The following UHMK1 variants were observed in gnomAD, a reference collection of about 807,000 sequenced individuals.
The protein encoded by UHMK1 is U2AF homology motif kinase 1, also known as serine/threonine-protein kinase Kist.
Under a neutral mutation model 44.0 loss-of-function variants are expected in UHMK1, and 18 were observed. The observed-to-expected ratio is 0.41, with a 90% CI of 0.28 to 0.61. UHMK1 has a LOEUF of 0.61. Among genes scored for constraint, UHMK1 ranks in the 20% least tolerant of loss-of-function variants. UHMK1 has a pLI of 0.31. For synonymous variants in UHMK1, 231 were observed against 198.5 expected, an observed-to-expected ratio of 1.16 and a Z score of -1.38; for missense variants, 463 against 522.5, an observed-to-expected ratio of 0.89 and a Z score of 1.11.
chr1:162,503,500 A>G (rs1651352371), intron 3 of UHMK1, among the ~76,000 whole-genome samples: 1 of 151,866 alleles, frequency 6.6e-6, no homozygotes, highest in Non-Finnish European at 1.5e-5. Flanking sequence ...ATTTCCAGCT[A>G]CGCAGGAGGC....
chr1:162,512,036 T>C (rs1279152852), intron 4 of UHMK1, among the ~76,000 whole-genome samples: 2 of 151,976 alleles, frequency 1.3e-5, no homozygotes, highest in Admixed American at 6.6e-5. Flanking sequence ...CTTCCAGCCT[T>C]GTTCTTTTTT....
At chr1:162,515,122 C>T (rs559423793) in intron 6 of UHMK1, among the ~76,000 whole-genome samples, 1 of 151,246 alleles carries the variant, frequency 6.6e-6, no homozygotes, top group African/African-American at 2.4e-5. Flanking sequence ...TTTATGTCCT[C>T]TTAATATTTA....
intron 1 of UHMK1, among the ~76,000 whole-genome samples, chr1:162,499,519 G>A (rs1398294646): frequency 6.6e-6 from 1 of 152,134 alleles, no homozygotes; most frequent in East Asian, 1.9e-4. Flanking sequence ...TTTGCGCATT[G>A]TGACATTCCT....
rs746102727 is a variant in UHMK1, at chr1:162,501,003, G to A, written c.652G>A (p.Glu218Lys). The change falls in exon 3 of 8, where the codon GAA becomes AAA. Residue 218 changes from glutamate to lysine, a missense_variant. By Grantham distance (56) the Glu-to-Lys change is moderately conservative. Coordinates refer to ENST00000489294, the MANE Select transcript of UHMK1 (RefSeq NM_175866.5). ...CCAGGCTGGCCTGCAGAGTGATACA[G>A]AATGTACCTCAGCTGTTGATCTGTG... ...LAQAGLQSDTECTSAVDLWSL... is the reference protein window; with the variant it reads ...LAQAGLQSDTKCTSAVDLWSL... The A allele has an allele frequency of 1.2e-6, 2 of 1,614,054 alleles. No homozygotes were observed. Among genetic ancestry groups the A allele is most frequent in the East Asian group, 2.2e-5 (1 of 44,862 alleles).
At position 162,512,733 on chromosome 1, in the gene UHMK1, AT is replaced by A. The variant is rs761015757; in HGVS notation, c.936del (p.Ile312MetfsTer12). On this transcript the variant is annotated frameshift_variant, in exon 6 of 8. Transcript: ENST00000489294. LOFTEE classifies it high-confidence loss of function. ...PFFSIPFAPH[I>X]EDLVMLPTPV... ...ATGATGAATTTTAACAGCCCCTCAT[AT>A]TGAAGATCTGGTCATGCTTCCCACT... 1 of 1,614,092 alleles carries A rather than the reference AT, an allele frequency of 6.2e-7. No individual in the cohort carries two copies. Among genetic ancestry groups the A allele is most frequent in the South Asian group, 1.1e-5 (1 of 91,076 alleles).
At chr1:162,503,387 A>G (rs1651349493) in intron 3 of UHMK1, among the ~76,000 whole-genome samples, 1 of 152,096 alleles carries the variant, frequency 6.6e-6, no homozygotes, top group Admixed American at 6.6e-5. Flanking sequence ...CGGTGGGCAG[A>G]TCACTTGAGC....
At chr1:162,504,315 T>C (rs921489443) in intron 4 of UHMK1, among the ~76,000 whole-genome samples, 3 of 152,236 alleles carry the variant, frequency 2.0e-5, no homozygotes, top group African/African-American at 7.2e-5. Context: ...ACAATAGATA[T>C]TTTGAAAATA....
rs778270680 is a variant in UHMK1 at position 162,500,078 on chromosome 1, C to T, written c.392C>T (p.Ser131Phe). The change falls in exon 2 of 8, where the codon TCC becomes TTC. Residue 131 changes from serine to phenylalanine, a missense_variant. Transcript: ENST00000489294. The stretch of plus-strand genomic sequence containing the variant: ...TTATATTCCAGTCACCAGGGTTGTT[C>T]CATGTGGATGATACAGCATTGTGCC... Reference protein sequence around the residue: ...LLLYSSHQGCSMWMIQHCARD... With the variant: ...LLLYSSHQGCFMWMIQHCARD... 6.2e-7 allele frequency: 1 copy of T among 1,614,138 alleles called. No individual in the cohort carries two copies. The highest frequency in any genetic ancestry group is 2.2e-5 in the East Asian group (1 of 44,878).
intron 7 of UHMK1, among the ~76,000 whole-genome samples, chr1:162,522,082 T>C (rs917733947): frequency 2.3e-5 from 3 of 133,022 alleles, no homozygotes; most frequent in South Asian, 2.4e-4. Context: ...TCTAGTGTTA[T>C]TCATCACTCC....
intron 7 of UHMK1, among the ~76,000 whole-genome samples, chr1:162,522,151 T>C (rs1374876193): frequency 1.3e-5 from 2 of 152,214 alleles, no homozygotes; most frequent in Non-Finnish European, 2.9e-5. Flanking sequence ...TGAGAGATTT[T>C]TCAAAGTTGA....
chr1:162,521,442 A>G lies in UHMK1; in HGVS notation c.1114-962A>G, dbSNP rs357038. Among the ~76,000 whole-genome samples the G allele has an allele frequency of 1.5e-3, 229 of 152,070 alleles. 1 individual carries two copies. The highest frequency in any genetic ancestry group is 5.4e-3 in the African/African-American group (224 of 41,478). ...TAAAAAAAAAATCAGGAATAGATTC[A>G]TTATTCCTTTTTGGGGTGGGGTCAG... On this transcript the variant is annotated intron_variant, in intron 7 of 7. Coordinates refer to ENST00000489294, the MANE Select transcript of UHMK1 (RefSeq NM_175866.5).
chr1:162,509,134 TA>T (rs796803329), intron 4 of UHMK1, among the ~76,000 whole-genome samples: 6 of 152,320 alleles, frequency 3.9e-5, no homozygotes, highest in African/African-American at 1.4e-4. Context: ...ATTATTTTCC[TA>T]AACTTAAAGA....
intron 4 of UHMK1, among the ~76,000 whole-genome samples, chr1:162,511,625 T>A (rs1651673452): frequency 6.6e-6 from 1 of 152,210 alleles, no homozygotes; most frequent in South Asian, 2.1e-4. Context: ...TGTCTGTTTT[T>A]GTTTTTGTTG....
At chr1:162,507,971 AG>A (rs1233626036) in intron 4 of UHMK1, among the ~76,000 whole-genome samples, 1 of 152,046 alleles carries the variant, frequency 6.6e-6, no homozygotes, top group Non-Finnish European at 1.5e-5. Context: ...TATCTCTTAT[AG>A]TGTAATTTTA....
chr1:162,522,356 A>G, intron 7 of UHMK1, 48 bp from the exon 8 acceptor site: 1 of 1,605,768 alleles, frequency 6.2e-7, no homozygotes, highest in East Asian at 2.2e-5. Context: ...CACTGGTCTA[A>G]AACAATCTTG....
intron 4 of UHMK1, among the ~76,000 whole-genome samples, chr1:162,510,355 A>C (rs7513662): frequency 6.6e-5 from 10 of 152,170 alleles, no homozygotes; most frequent in Admixed American, 5.2e-4. Flanking sequence ...GCTTTGGCCA[A>C]TGTCTCCCCA....
chr1:162,517,796 A>C (rs1017676020), intron 6 of UHMK1, among the ~76,000 whole-genome samples: 4 of 152,188 alleles, frequency 2.6e-5, no homozygotes, highest in African/African-American at 9.6e-5. Flanking sequence ...GAGGGAGAAG[A>C]ATCGCTTGAA....
In UHMK1 at chr1:162,529,045, T is replaced by C. The variant is rs1652351958; in HGVS notation, c.*6495T>C. 1 of 152,120 alleles carries C rather than the reference T, an allele frequency of 6.6e-6. No homozygotes were observed. The highest frequency in any genetic ancestry group is 2.4e-5 in the African/African-American group (1 of 41,454). The allele number at this position is 152,120 out of a possible 1,614,324, so 9.4% of individuals were successfully genotyped here. On this transcript the variant is annotated 3_prime_UTR_variant, in exon 8 of 8. Coordinates refer to ENST00000489294, the MANE Select transcript of UHMK1 (RefSeq NM_175866.5). Reference sequence around the variant, plus strand: ...ATAAGAAGGTATGGTTAGAAAAAAATGTGAAAGATCACTTAAACCAAAGCC... The same window carrying C: ...ATAAGAAGGTATGGTTAGAAAAAAACGTGAAAGATCACTTAAACCAAAGCC...
At chr1:162,503,698 GTAT>G in intron 3 of UHMK1, 53 bp from the exon 4 acceptor site, 1 of 1,247,670 alleles carries the variant, frequency 8.0e-7, no homozygotes, top group South Asian at 1.2e-5. Context: ...TATATGCCTA[GTAT>G]TCAATAAATA....
Sources: gnomAD v4.1 joint callset for allele counts (sites outside exome capture counted in the v4.1 genomes callset) on GRCh38, gnomAD v4.1.1 for gene constraint, MANE v1.5 for transcripts, NCBI Gene and HGNC (gene_info 2026-07-23, HGNC 2026-07-21) for gene names.